LEKR1: variants seen among roughly 807,000 people sequenced by gnomAD.
LEKR1 encodes protein LEKR1.
In LEKR1, 59 loss-of-function variants were observed where a neutral mutation model predicts 72.4. That is an observed-to-expected ratio of 0.82 (90% CI 0.66 to 1.01). The LOEUF (loss-of-function observed/expected upper bound fraction) is 1.01. Among genes scored for constraint, LEKR1 ranks in the 50% least tolerant of loss-of-function variants. The pLI is 0.00. For synonymous variants in LEKR1, 257 were observed against 263.2 expected (o/e 0.98, Z 0.23); for missense variants, 728 against 759.2 (o/e 0.96, Z 0.48).
intron 9 of LEKR1, among the ~76,000 whole-genome samples, chr3:156,994,970 C>T (rs915213926): frequency 2.0e-5 from 3 of 152,196 alleles, no homozygotes; most frequent in African/African-American, 7.2e-5. Context: ...GGCTTAAGCA[C>T]ATGTTTTAGA....
intron 3 of LEKR1, among the ~76,000 whole-genome samples, chr3:156,865,152 T>C (rs1717164220): frequency 6.6e-6 from 1 of 152,030 alleles, no homozygotes; most frequent in African/African-American, 2.4e-5. Context: ...CTGCTACTCT[T>C]GTGTTCCTAA....
At position 156,833,076 on chromosome 3, in the gene LEKR1, G is replaced by A. The variant is rs115247458; in HGVS notation, c.48+3699G>A. Reference sequence around the variant, plus strand: ...AATATGCTTCATTCAATTGTTAAAAGCTATAAACAGCTCAAAAGGAAAGTT... The same window carrying A: ...AATATGCTTCATTCAATTGTTAAAAACTATAAACAGCTCAAAAGGAAAGTT... On this transcript the variant is annotated intron_variant, in intron 2 of 12. Transcript: ENST00000356539. 9.1e-3 allele frequency among the ~76,000 whole-genome samples: 1,378 copies of A among 152,252 alleles called. 22 individuals carry two copies. Among genetic ancestry groups the A allele is most frequent in the African/African-American group, 0.032 (1,313 of 41,540 alleles).
At chr3:157,001,074 C>T (rs1411780340) in intron 9 of LEKR1, among the ~76,000 whole-genome samples, 1 of 152,172 alleles carries the variant, frequency 6.6e-6, no homozygotes, top group Non-Finnish European at 1.5e-5. Flanking sequence ...CCTAGCCATG[C>T]TGAACTTTGA....
At chr3:156,866,866 A>G (rs952662047) in intron 3 of LEKR1, among the ~76,000 whole-genome samples, 1 of 151,814 alleles carries the variant, frequency 6.6e-6, no homozygotes, top group Non-Finnish European at 1.5e-5. Flanking sequence ...CCCACACCCA[A>G]CTCTATGCAC....
chr3:156,920,147 T>C (rs1724056385), intron 3 of LEKR1, among the ~76,000 whole-genome samples: 1 of 152,176 alleles, frequency 6.6e-6, no homozygotes, highest in African/African-American at 2.4e-5. Flanking sequence ...AAACCTTTCT[T>C]TCTTTATAAA....
chr3:156,923,723 T>C (rs1724428092), intron 4 of LEKR1, among the ~76,000 whole-genome samples: 1 of 137,896 alleles, frequency 7.3e-6, no homozygotes, highest in Admixed American at 8.6e-5. Flanking sequence ...ATGATTAATG[T>C]ATATTTAATT....
chr3:156,923,774 C>T (rs1326355681), intron 4 of LEKR1, among the ~76,000 whole-genome samples: 1 of 151,424 alleles, frequency 6.6e-6, no homozygotes, highest in Non-Finnish European at 1.5e-5. Flanking sequence ...ATCACCCAGG[C>T]TTGAGTGCAG....
intron 9 of LEKR1, among the ~76,000 whole-genome samples, chr3:157,000,528 T>TCA (rs1265913560): frequency 1.3e-5 from 2 of 152,278 alleles, no homozygotes; most frequent in East Asian, 3.9e-4. Context: ...CGTGGGCATT[T>TCA]TAATAATAGC....
At chr3:157,037,229 A>G (rs913974456) in intron 12 of LEKR1, among the ~76,000 whole-genome samples, 1 of 152,202 alleles carries the variant, frequency 6.6e-6, no homozygotes, top group Non-Finnish European at 1.5e-5. Context: ...AATAGTTTAA[A>G]GATCTGAAAA....
chr3:157,005,928 A>G (rs1468186025), intron 9 of LEKR1, among the ~76,000 whole-genome samples: 1 of 152,240 alleles, frequency 6.6e-6, no homozygotes, highest in Non-Finnish European at 1.5e-5. Context: ...AAATAAGCAC[A>G]TAAAGTGATG....
chr3:156,898,856 G>A (rs1721480178), intron 3 of LEKR1, among the ~76,000 whole-genome samples: 1 of 152,110 alleles, frequency 6.6e-6, no homozygotes, highest in Non-Finnish European at 1.5e-5. Context: ...ATGGGATGAA[G>A]TTCTTTTATC....
chr3:156,830,557 A>G (rs1251528212), intron 2 of LEKR1, among the ~76,000 whole-genome samples: 3 of 152,244 alleles, frequency 2.0e-5, no homozygotes, highest in Non-Finnish European at 4.4e-5. Flanking sequence ...AGCTACAGCT[A>G]TGCCAACAGG....
At position 156,967,155 on chromosome 3, in the gene LEKR1, A is replaced by G. The variant is rs544312811; in HGVS notation, c.746-12039A>G. ...GTCACCATCATCAAAGACCAAAGGTAGGTAAAACCACAAAGATGGGGAAAA... is the reference window on the plus strand; with the variant it reads ...GTCACCATCATCAAAGACCAAAGGTGGGTAAAACCACAAAGATGGGGAAAA... On this transcript the variant is annotated intron_variant, in intron 6 of 12. Coordinates refer to ENST00000356539, the MANE Select transcript of LEKR1 (RefSeq NM_001004316.3). Among the ~76,000 whole-genome samples, 36 of 152,314 alleles carry G rather than the reference A, an allele frequency of 2.4e-4. No homozygotes were observed. In the East Asian group the frequency reaches 6.7e-3, roughly 29 times the overall value.
At chr3:156,828,273 CA>C (rs950771528) in intron 1 of LEKR1, among the ~76,000 whole-genome samples, 1 of 152,214 alleles carries the variant, frequency 6.6e-6, no homozygotes, top group African/African-American at 2.4e-5. Context: ...GACTTTTTGA[CA>C]ACTACGGTTT....
At chr3:156,831,694 A>G (rs2108527900) in intron 2 of LEKR1, among the ~76,000 whole-genome samples, 1 of 152,256 alleles carries the variant, frequency 6.6e-6, no homozygotes, top group Non-Finnish European at 1.5e-5. Context: ...ATCTTGTGAG[A>G]CTTATTCACT....
At chr3:156,979,109 G>A in intron 6 of LEKR1, 85 bp from the exon 7 acceptor site, 1 of 577,296 alleles carries the variant, frequency 1.7e-6, no homozygotes. Flanking sequence ...GAGCTGACTA[G>A]CAACAAAAGA....
chr3:157,042,603 T>A (rs1453188607), intron 12 of LEKR1, among the ~76,000 whole-genome samples: 1 of 152,234 alleles, frequency 6.6e-6, no homozygotes, highest in African/African-American at 2.4e-5. Flanking sequence ...TTTATGTGAC[T>A]TGCTTTTTGG....
At chr3:156,901,361 C>T (rs908138776) in intron 3 of LEKR1, among the ~76,000 whole-genome samples, 6 of 152,164 alleles carry the variant, frequency 3.9e-5, no homozygotes, top group Admixed American at 3.9e-4. Context: ...GCCTCCTTTA[C>T]CATATTTATC....
chr3:157,028,670 A>G (rs747803882), intron 12 of LEKR1, among the ~76,000 whole-genome samples: 6 of 152,192 alleles, frequency 3.9e-5, no homozygotes, highest in Non-Finnish European at 5.9e-5. Flanking sequence ...CTTTCTTGCA[A>G]ATAACTATTT....
Sources: allele counts gnomAD v4.1 joint callset (sites outside exome capture counted in the v4.1 genomes callset), GRCh38; gene constraint gnomAD v4.1.1; transcripts MANE v1.5; gene names NCBI Gene and HGNC (gene_info 2026-07-23, HGNC 2026-07-21).